Variants in ACSF3 observed in about 807,000 individuals in gnomAD.
ACSF3 encodes malonate--CoA ligase ACSF3, mitochondrial.
In ACSF3, 78 loss-of-function variants were observed where a neutral mutation model predicts 53.2. That is an observed-to-expected ratio of 1.47 (90% CI 1.22 to 1.77). The LOEUF (loss-of-function observed/expected upper bound fraction) is 1.77, where lower values mean the gene tolerates loss of function less well. Among genes scored for constraint, ACSF3 ranks in the 40% most tolerant of loss-of-function variants. The pLI, the probability that ACSF3 is intolerant of heterozygous loss-of-function variation, is 0.00. For missense variants in ACSF3, 937 were observed against 771.1 expected (o/e 1.22, Z -2.55); for synonymous variants, 414 against 333.1 (o/e 1.24, Z -2.65).
chr16:89,127,420 A>G (rs1908360645), intron 7 of ACSF3, among the ~76,000 whole-genome samples: 1 of 152,146 alleles, frequency 6.6e-6, no homozygotes, highest in African/African-American at 2.4e-5. Context: ...GCTGGAGTGC[A>G]GTGGTGCAAT....
chr16:89,145,978 G>C lies in ACSF3; in HGVS notation c.1542G>C (p.Gln514His). 6.2e-7 allele frequency: 1 copy of C among 1,614,126 alleles called. No individual in the cohort carries two copies. The highest frequency in any genetic ancestry group is 1.1e-5 in the South Asian group (1 of 91,076). ...GAGTTCCGGATATGACATGGGGCCA[G>C]CGGGTCACTGCTGTGGTGACCCTCC... The part of the protein sequence containing the change: ...VIGVPDMTWG[Q>H]RVTAVVTLRE... Residue 514 changes from glutamine to histidine, a missense_variant, in exon 10 of 11, where the codon CAG becomes CAC. Physicochemically the swap from Gln to His is conservative, Grantham distance 24. Coordinates refer to ENST00000614302, the MANE Select transcript of ACSF3 (RefSeq NM_001243279.3).
chr16:89,106,979 C>G (rs1040087566), intron 4 of ACSF3, among the ~76,000 whole-genome samples: 1 of 152,218 alleles, frequency 6.6e-6, no homozygotes, highest in African/African-American at 2.4e-5. Context: ...AGGCTCAGAT[C>G]AGTCACTCGT....
Position 89,113,875 on chromosome 16 carries a change from C to T in ACSF3, c.978-464C>T, listed in dbSNP as rs577171277. 191 of 304,314 alleles carry T rather than the reference C, an allele frequency of 6.3e-4. 1 individual carries two copies. The highest frequency in any genetic ancestry group is 4.0e-3 in the African/African-American group (184 of 45,980). 18.9% of individuals were successfully genotyped at this position (304,314 alleles called of 1,614,324 possible). ...GGTGCCGCGGCCATTCACCCATGTCCGCGTTCTGCTGCAGAGCCTGCAAGC... is the reference window on the plus strand; with the variant it reads ...GGTGCCGCGGCCATTCACCCATGTCTGCGTTCTGCTGCAGAGCCTGCAAGC... On this transcript the variant is annotated intron_variant, in intron 5 of 10. Coordinates refer to ENST00000614302, the MANE Select transcript of ACSF3 (RefSeq NM_001243279.3).
intron 6 of ACSF3, chr16:89,114,689 A>G (rs1208644665): frequency 2.7e-6 from 2 of 742,050 alleles, no homozygotes; most frequent in Non-Finnish European, 4.5e-6. Flanking sequence ...CCCAAGTCTC[A>G]GTCGGGTGGA....
chr16:89,131,520 C>A (rs1909323353), intron 7 of ACSF3, among the ~76,000 whole-genome samples: 1 of 151,796 alleles, frequency 6.6e-6, no homozygotes. Flanking sequence ...TGGTTTTTTC[C>A]CGTGTTGAGT....
In ACSF3 at chr16:89,154,368, G is replaced by C; in HGVS notation, c.*161G>C. On this transcript the variant is annotated 3_prime_UTR_variant, in exon 11 of 11. Transcript: ENST00000614302. ...TGTTTGGGATGAAATCACCATGTGG[G>C]GTCCCCAGCCTCGGGCCAGTTGTTG... is the stretch of plus-strand genomic sequence containing the variant. 1 of 756,282 alleles carries C rather than the reference G, an allele frequency of 1.3e-6. No individual in the cohort carries two copies. Among genetic ancestry groups the C allele is most frequent in the Non-Finnish European group, 2.3e-6 (1 of 438,302 alleles). The allele number at this position is 756,282 out of a possible 1,614,324, so 46.8% of individuals were successfully genotyped here.
intron 9 of ACSF3, among the ~76,000 whole-genome samples, 163 bp from the exon 10 acceptor site, chr16:89,145,775 C>A (rs561823700): frequency 2.0e-5 from 3 of 152,232 alleles, no homozygotes; most frequent in African/African-American, 4.8e-5. Flanking sequence ...CCCCTCCCCA[C>A]AGGCCCAGCC....
Position 89,136,968 on chromosome 16 carries a change from G to A in ACSF3, c.1366+3706G>A. On this transcript the variant is annotated intron_variant, in intron 8 of 10. Coordinates refer to ENST00000614302, the MANE Select transcript of ACSF3 (RefSeq NM_001243279.3). ...TCCTCTGACGGCCACAATGATCTCT[G>A]CAGATGCTCTGACTCCACGTGCCCT... 7 of 1,108,190 alleles carry A rather than the reference G, an allele frequency of 6.3e-6. No individual in the cohort carries two copies. The South Asian group carries it at 1.1e-4, about 17-fold the overall frequency. 68.6% of individuals were successfully genotyped at this position (1,108,190 alleles called of 1,614,324 possible).
intron 4 of ACSF3, 76 bp from the exon 5 acceptor site, chr16:89,112,016 G>A: frequency 5.9e-6 from 1 of 168,396 alleles, no homozygotes. Flanking sequence ...AGAACGCTGT[G>A]CCTGGAGCCA....
intron 10 of ACSF3, 26 bp downstream of exon 10, chr16:89,146,075 A>T (rs1173325405): frequency 6.8e-7 from 1 of 1,472,362 alleles, no homozygotes; most frequent in African/African-American, 1.4e-5. Flanking sequence ...GCGGGCAGGG[A>T]GCACTCATGG....
intron 6 of ACSF3, among the ~76,000 whole-genome samples, chr16:89,118,217 A>G (rs72817464): frequency 8.0e-6 from 1 of 125,050 alleles, no homozygotes; most frequent in Non-Finnish European, 1.7e-5. Context: ...AAGGCAGAGC[A>G]TACGGCAGTT....
At position 89,123,545 on chromosome 16, in the gene ACSF3, C is replaced by T. The variant is rs556278184; in HGVS notation, c.1239+2632C>T. ...CGATCCACTCTTGTCTGTGCCGAGGCGTGGGTCCCGGCCAGCGTCCCTCCC... is the reference window on the plus strand; with the variant it reads ...CGATCCACTCTTGTCTGTGCCGAGGTGTGGGTCCCGGCCAGCGTCCCTCCC... On this transcript the variant is annotated intron_variant, in intron 7 of 10. Coordinates refer to ENST00000614302, the MANE Select transcript of ACSF3 (RefSeq NM_001243279.3). 4.6e-5 allele frequency among the ~76,000 whole-genome samples: 7 copies of T among 152,262 alleles called. No homozygotes were observed. In the South Asian group the frequency reaches 1.2e-3, roughly 27 times the overall value.
chr16:89,108,297 A>G (rs1380311264), intron 4 of ACSF3, among the ~76,000 whole-genome samples: 1 of 152,168 alleles, frequency 6.6e-6, no homozygotes, highest in African/African-American at 2.4e-5. Context: ...ATTTGTCCCT[A>G]CAGAGGTTCT....
intron 1 of ACSF3, among the ~76,000 whole-genome samples, chr16:89,095,934 A>G (rs1032800517): frequency 6.6e-6 from 1 of 152,174 alleles, no homozygotes; most frequent in African/African-American, 2.4e-5. Flanking sequence ...TCTGCCATTA[A>G]CCAGCACTCC....
intron 7 of ACSF3, among the ~76,000 whole-genome samples, chr16:89,130,220 A>G (rs1908997094): frequency 6.6e-6 from 1 of 152,204 alleles, no homozygotes; most frequent in African/African-American, 2.4e-5. Context: ...TTCCTGAAGG[A>G]TATTTTCATT....
rs189053938 is a variant in ACSF3, at chr16:89,121,641, A to C, written c.1239+728A>C. On this transcript the variant is annotated intron_variant, in intron 7 of 10. Transcript: ENST00000614302. ...CCACACCTGATACCACACATGATTG[A>C]CTGTGTTGCCCTGAGGTTTTCAAAG... 1.1e-3 allele frequency among the ~76,000 whole-genome samples: 175 copies of C among 152,292 alleles called. 1 individual carries two copies. The highest frequency in any genetic ancestry group is 4.0e-3 in the African/African-American group (165 of 41,562).
chr16:89,105,163 A>T (rs1249649163), intron 4 of ACSF3, among the ~76,000 whole-genome samples: 1 of 148,690 alleles, frequency 6.7e-6, no homozygotes, highest in Non-Finnish European at 1.5e-5. Flanking sequence ...TGTTGGCTTC[A>T]GTCCTTATTT....
intron 1 of ACSF3, among the ~76,000 whole-genome samples, chr16:89,096,471 G>A (rs1036739309): frequency 6.6e-5 from 10 of 152,166 alleles, no homozygotes; most frequent in African/African-American, 2.2e-4. Context: ...GCTCTGATCC[G>A]ATGACCGTGA....
At chr16:89,101,481 T>G (rs1015689015) in intron 3 of ACSF3, 134 bp downstream of exon 3, 21 of 1,515,826 alleles carry the variant, frequency 1.4e-5, no homozygotes, top group African/African-American at 4.1e-5. Flanking sequence ...CAGACCCGTG[T>G]GAGATACAGG....
Sources: allele counts gnomAD v4.1 joint callset (sites outside exome capture counted in the v4.1 genomes callset), GRCh38; gene constraint gnomAD v4.1.1; transcripts MANE v1.5; gene names NCBI Gene and HGNC (gene_info 2026-07-23, HGNC 2026-07-21).